MSRA: variants seen among roughly 807,000 people sequenced by gnomAD.
MSRA encodes the protein mitochondrial peptide methionine sulfoxide reductase.
MSRA carries 54 observed loss-of-function variants against 31.3 expected under a neutral mutation model. The ratio of observed to expected loss-of-function variants is 1.73; its 90% CI spans 1.39 to 2.17. The LOEUF (loss-of-function observed/expected upper bound fraction) is 2.17, where lower values mean the gene tolerates loss of function less well. Ranked by LOEUF, MSRA falls within the 30% of genes most tolerant of loss-of-function variation. The pLI is 0.00. For synonymous variants in MSRA, 169 were observed against 116.5 expected (o/e 1.45, Z -2.90); for missense variants, 507 against 300.9 (o/e 1.69, Z -5.07).
chr8:10,085,899 C>T (rs529778194), intron 1 of MSRA, among the ~76,000 whole-genome samples: 2 of 152,314 alleles, frequency 1.3e-5, no homozygotes, highest in South Asian at 4.1e-4. Context: ...TGTGGTTCTT[C>T]CATGTTGTTG....
At chr8:10,256,717 G>C (rs1798201003) in intron 3 of MSRA, among the ~76,000 whole-genome samples, 1 of 152,188 alleles carries the variant, frequency 6.6e-6, no homozygotes, top group South Asian at 2.1e-4. Flanking sequence ...GTTCAGATTT[G>C]CATGTGTCCA....
intron 1 of MSRA, among the ~76,000 whole-genome samples, chr8:10,108,704 G>T (rs1800063469): frequency 6.6e-6 from 1 of 152,306 alleles, no homozygotes; most frequent in East Asian, 1.9e-4. Flanking sequence ...TCACGAGGGG[G>T]TGTGATGGAT....
At chr8:10,246,570 G>C (rs527612389) in intron 3 of MSRA, among the ~76,000 whole-genome samples, 1 of 152,152 alleles carries the variant, frequency 6.6e-6, no homozygotes, top group Non-Finnish European at 1.5e-5. Flanking sequence ...TGGAGGATGC[G>C]CTCAGCCCTC....
intron 5 of MSRA, among the ~76,000 whole-genome samples, chr8:10,421,417 T>A (rs996438309): frequency 6.6e-6 from 1 of 152,112 alleles, no homozygotes; most frequent in Non-Finnish European, 1.5e-5. Context: ...GGGCTCTGGG[T>A]CTCAATGCCT....
In MSRA at chr8:10,070,775, C is replaced by G. The variant is rs187126556; in HGVS notation, c.142+16117C>G. Among the ~76,000 whole-genome samples the G allele has an allele frequency of 5.5e-3, 841 of 152,296 alleles. 4 individuals are homozygous for G. Among genetic ancestry groups the G allele is most frequent in the Non-Finnish European group, 8.0e-3 (542 of 68,026 alleles). On this transcript the variant is annotated intron_variant, in intron 1 of 5. Transcript: ENST00000317173. ...ATAGTATGTAACCTCTTGGGATTGG[C>G]TTTTTTCAGTCAGCACAATTCCCTG...
At chr8:10,189,077 T>A (rs184353365) in intron 1 of MSRA, among the ~76,000 whole-genome samples, 1 of 152,220 alleles carries the variant, frequency 6.6e-6, no homozygotes, top group African/African-American at 2.4e-5. Flanking sequence ...CAGACCTTAC[T>A]GACATTTTAT....
At chr8:10,383,216 CAGGCT>C (rs1256960262) in intron 5 of MSRA, among the ~76,000 whole-genome samples, 54 of 152,310 alleles carry the variant, frequency 3.5e-4, no homozygotes, top group Non-Finnish European at 7.2e-4. Flanking sequence ...GGGCAATGTG[CAGGCT>C]TCCACAGGAG....
chr8:10,120,706 G>T (rs1009976214), intron 1 of MSRA, among the ~76,000 whole-genome samples: 1 of 152,156 alleles, frequency 6.6e-6, no homozygotes. Context: ...TAATTAAAGC[G>T]AAGCCTGGTG....
At chr8:10,375,890 A>G (rs1192836997) in intron 5 of MSRA, among the ~76,000 whole-genome samples, 2 of 152,210 alleles carry the variant, frequency 1.3e-5, no homozygotes, top group African/African-American at 4.8e-5. Context: ...CTGGACTGGA[A>G]TTGAGTATTA....
chr8:10,290,852 A>G (rs1027322608), intron 3 of MSRA, among the ~76,000 whole-genome samples: 4 of 152,216 alleles, frequency 2.6e-5, no homozygotes, highest in Non-Finnish European at 5.9e-5. Context: ...CAGGGATACC[A>G]TGGTCCCTGC....
intron 1 of MSRA, among the ~76,000 whole-genome samples, chr8:10,057,929 T>A (rs564726522): frequency 6.6e-6 from 1 of 152,364 alleles, no homozygotes; most frequent in South Asian, 2.1e-4. Flanking sequence ...AGGCCGTCTT[T>A]CATGTGGAAC....
At chr8:10,238,061 C>A (rs1329409930) in intron 2 of MSRA, among the ~76,000 whole-genome samples, 2 of 152,196 alleles carry the variant, frequency 1.3e-5, no homozygotes, top group African/African-American at 4.8e-5. Context: ...CCCACAAGGT[C>A]CTACACTATC....
intron 3 of MSRA, among the ~76,000 whole-genome samples, chr8:10,293,838 C>T (rs36089236): frequency 0.16 from 24,912 of 152,054 alleles, 3,166 homozygotes; most frequent in East Asian, 0.64. Context: ...CAGGAGAGCA[C>T]AGGCTGAGAG....
chr8:10,333,042 C>G (rs952961648), intron 5 of MSRA, among the ~76,000 whole-genome samples: 3 of 151,892 alleles, frequency 2.0e-5, no homozygotes, highest in African/African-American at 7.3e-5. Flanking sequence ...TACCTACTGC[C>G]CAGGTTGATG....
chr8:10,255,027 A>G (rs1798104360), intron 3 of MSRA, among the ~76,000 whole-genome samples: 1 of 152,216 alleles, frequency 6.6e-6, no homozygotes, highest in African/African-American at 2.4e-5. Flanking sequence ...TTTGCACAGA[A>G]GTCTATTAAA....
intron 5 of MSRA, among the ~76,000 whole-genome samples, chr8:10,366,176 T>G (rs936357865): frequency 2.6e-5 from 4 of 152,202 alleles, no homozygotes; most frequent in African/African-American, 9.7e-5. Context: ...GAGACTGATT[T>G]TTTGAAAGAG....
At chr8:10,373,395 G>T (rs370000174) in intron 5 of MSRA, among the ~76,000 whole-genome samples, 6 of 152,260 alleles carry the variant, frequency 3.9e-5, no homozygotes, top group African/African-American at 1.4e-4. Flanking sequence ...GGGTCTTGCT[G>T]TGTTGCTGTG....
chr8:10,235,909 A>G (rs1811894685), intron 2 of MSRA, among the ~76,000 whole-genome samples: 1 of 152,216 alleles, frequency 6.6e-6, no homozygotes, highest in African/African-American at 2.4e-5. Flanking sequence ...AAAATCTGAA[A>G]TAAAATAGCA....
chr8:10,322,907 T>A (rs1254360930), intron 5 of MSRA, among the ~76,000 whole-genome samples: 4 of 152,038 alleles, frequency 2.6e-5, no homozygotes, highest in African/African-American at 9.7e-5. Context: ...CTGACTAACA[T>A]GGTGAAACTC....
Sources: allele counts gnomAD v4.1 joint callset (sites outside exome capture counted in the v4.1 genomes callset), GRCh38; gene constraint gnomAD v4.1.1; transcripts MANE v1.5; gene names NCBI Gene and HGNC (gene_info 2026-07-23, HGNC 2026-07-21).